The following KCNN2 variants were observed in gnomAD, a reference collection of about 807,000 sequenced individuals.
KCNN2 encodes potassium calcium-activated channel subfamily N member 2.
In KCNN2, 24 loss-of-function variants were observed where a neutral mutation model predicts 55.5. The observed-to-expected ratio is 0.43, with a 90% CI of 0.31 to 0.61. KCNN2 has a LOEUF of 0.61. KCNN2 is among the 20% of genes least tolerant of loss of function. The probability of loss-of-function intolerance (pLI) is 0.08; values close to 1 mark genes in which losing one functional copy is unlikely to be tolerated. For missense variants in KCNN2, 754 were observed against 853.6 expected (o/e 0.88, Z 1.45); for synonymous variants, 431 against 336.1 (o/e 1.28, Z -3.09).
intron 2 of KCNN2, among the ~76,000 whole-genome samples, chr5:114,284,711 G>T (rs1351834182): frequency 2.6e-5 from 4 of 151,606 alleles, no homozygotes; most frequent in Non-Finnish European, 4.4e-5. Context: ...GTAGAGACGG[G>T]GTTTCACCAT....
At chr5:114,348,276 C>T (rs982415891) in intron 2 of KCNN2, among the ~76,000 whole-genome samples, 3 of 87,038 alleles carry the variant, frequency 3.4e-5, no homozygotes, top group East Asian at 3.4e-4. Context: ...GAAGCCATTA[C>T]GAGGGGGAGG....
intron 3 of KCNN2, among the ~76,000 whole-genome samples, chr5:114,446,911 A>G (rs938724343): frequency 2.6e-5 from 4 of 152,190 alleles, no homozygotes; most frequent in African/African-American, 9.6e-5. Flanking sequence ...CAGTCGATCA[A>G]TCAATCAAAA....
intron 5 of KCNN2, among the ~76,000 whole-genome samples, chr5:114,481,571 G>A (rs553220099): frequency 6.6e-6 from 1 of 152,086 alleles, no homozygotes; most frequent in African/African-American, 2.4e-5. Flanking sequence ...AACCAAAAAA[G>A]AGTTGGAGTT....
intron 4 of KCNN2, among the ~76,000 whole-genome samples, chr5:114,465,212 C>G (rs1012868730): frequency 6.6e-6 from 1 of 152,168 alleles, no homozygotes; most frequent in African/African-American, 2.4e-5. Context: ...TTCCTCGTGT[C>G]TCAAAAACTG....
intron 5 of KCNN2, among the ~76,000 whole-genome samples, chr5:114,474,863 G>A (rs931469425): frequency 1.3e-5 from 2 of 151,228 alleles, no homozygotes; most frequent in Non-Finnish European, 2.9e-5. Flanking sequence ...ATACCATGTC[G>A]CCCATATGTT....
At chr5:114,138,695 T>C (rs1207981940) in intron 1 of KCNN2, among the ~76,000 whole-genome samples, 1 of 152,158 alleles carries the variant, frequency 6.6e-6, no homozygotes, top group Non-Finnish European at 1.5e-5. Context: ...CTTTAAGAAA[T>C]GCAGATCCAT....
At chr5:114,450,728 C>T (rs1197600921) in intron 3 of KCNN2, among the ~76,000 whole-genome samples, 1 of 152,126 alleles carries the variant, frequency 6.6e-6, no homozygotes, top group African/African-American at 2.4e-5. Context: ...AATACCGCCC[C>T]CAGGGGAATT....
At chr5:114,071,482 G>T (rs1403999762) in intron 1 of KCNN2, among the ~76,000 whole-genome samples, 1 of 152,180 alleles carries the variant, frequency 6.6e-6, no homozygotes, top group African/African-American at 2.4e-5. Flanking sequence ...AGGGAGTCCT[G>T]TTTGCATTTC....
chr5:114,399,492 C>T (rs1758718773), intron 2 of KCNN2, among the ~76,000 whole-genome samples: 1 of 152,102 alleles, frequency 6.6e-6, no homozygotes, highest in African/African-American at 2.4e-5. Flanking sequence ...CTGCTGGATT[C>T]TGGTTGCTAG....
intron 1 of KCNN2, among the ~76,000 whole-genome samples, chr5:114,149,492 G>A (rs549467098): frequency 7.2e-5 from 11 of 152,234 alleles, no homozygotes; most frequent in South Asian, 4.2e-4. Context: ...TTCTGGTCCC[G>A]TGATGCCGCC....
chr5:114,121,626 C>A (rs918331270), intron 1 of KCNN2, among the ~76,000 whole-genome samples: 3 of 152,198 alleles, frequency 2.0e-5, no homozygotes, highest in African/African-American at 7.2e-5. Context: ...CTCCATACTA[C>A]ATGTTGGGCC....
intron 3 of KCNN2, among the ~76,000 whole-genome samples, chr5:114,457,063 G>T (rs1454697411): frequency 1.3e-5 from 2 of 152,192 alleles, no homozygotes; most frequent in Non-Finnish European, 2.9e-5. Flanking sequence ...AATTTTGAAA[G>T]AAGTTCTATG....
At chr5:114,341,638 T>C (rs556016837) in intron 2 of KCNN2, among the ~76,000 whole-genome samples, 5 of 152,174 alleles carry the variant, frequency 3.3e-5, no homozygotes, top group African/African-American at 4.8e-5. Context: ...AAGCCAGAGA[T>C]AGTAAAAGAA....
At chr5:114,149,294 T>C (rs890740211) in intron 1 of KCNN2, among the ~76,000 whole-genome samples, 6 of 152,096 alleles carry the variant, frequency 3.9e-5, no homozygotes, top group African/African-American at 1.4e-4. Flanking sequence ...CTAGTCATCA[T>C]GAACCCACAC....
intron 1 of KCNN2, among the ~76,000 whole-genome samples, chr5:114,175,836 T>C (rs2112547768): frequency 6.6e-6 from 1 of 152,334 alleles, no homozygotes; most frequent in South Asian, 2.1e-4. Context: ...GCCAGAGTTA[T>C]TGTAAAAAAT....
chr5:114,143,153 G>T (rs551737769), intron 1 of KCNN2, among the ~76,000 whole-genome samples: 2 of 152,272 alleles, frequency 1.3e-5, no homozygotes, highest in African/African-American at 2.4e-5. Flanking sequence ...GAGGGTGGGG[G>T]TAGATTAGTA....
chr5:114,175,663 A>G (rs904290718), intron 1 of KCNN2, among the ~76,000 whole-genome samples: 25 of 152,162 alleles, frequency 1.6e-4, no homozygotes, highest in African/African-American at 6.0e-4. Context: ...TCAAGGACAC[A>G]TTTTACAGGG....
chr5:114,231,310 T>C (rs1754353230), intron 2 of KCNN2, among the ~76,000 whole-genome samples: 1 of 111,846 alleles, frequency 8.9e-6, no homozygotes, highest in Non-Finnish European at 1.8e-5. Flanking sequence ...TTGTCAATTT[T>C]GGCTTTTGTT....
At chr5:114,199,617 T>TG (rs1302904015) in intron 1 of KCNN2, among the ~76,000 whole-genome samples, 2 of 138,646 alleles carry the variant, frequency 1.4e-5, no homozygotes, top group Non-Finnish European at 2.9e-5. Flanking sequence ...TTTATATTTT[T>TG]TTTTATGTGG....
Sources: allele counts gnomAD v4.1 joint callset (sites outside exome capture counted in the v4.1 genomes callset), GRCh38; gene constraint gnomAD v4.1.1; transcripts MANE v1.5; gene names NCBI Gene and HGNC (gene_info 2026-07-23, HGNC 2026-07-21).